The following CENPN variants were observed in gnomAD, a reference collection of about 807,000 sequenced individuals.
CENPN encodes the protein centromere protein N.
A neutral mutation model predicts 48.6 loss-of-function variants in CENPN; 36 were observed. The ratio of observed to expected loss-of-function variants is 0.74; its 90% confidence interval spans 0.57 to 0.98. The LOEUF (loss-of-function observed/expected upper bound fraction) is 0.98, where lower values mean the gene tolerates loss of function less well. Ranked by LOEUF, CENPN falls within the 50% of genes least tolerant of loss-of-function variation. The pLI is 0.00. For synonymous variants in CENPN, 166 were observed against 135.2 expected (o/e 1.23, Z -1.58); for missense variants, 439 against 399.2 (o/e 1.10, Z -0.85).
chr16:81,014,081 G>T, intron 2 of CENPN, 55 bp from the exon 3 acceptor site: 1 of 1,440,704 alleles, frequency 6.9e-7, no homozygotes, highest in South Asian at 1.1e-5. Context: ...TGTTTTAAAC[G>T]GGATAGAACC....
At position 81,012,742 on chromosome 16, in the gene CENPN, C is replaced by T. The variant is rs111238542; in HGVS notation, c.171+632C>T. Among the ~76,000 whole-genome samples, 1,287 of 152,232 alleles carry T rather than the reference C, an allele frequency of 8.5e-3. 15 individuals carry two copies. Among genetic ancestry groups the T allele is most frequent in the African/African-American group, 0.029 (1,216 of 41,530 alleles). On this transcript the variant is annotated intron_variant, in intron 2 of 10. Coordinates refer to ENST00000305850, the MANE Select transcript of CENPN (RefSeq NM_001100624.3). ...TGCTGAGTAGCTGCGACTACAGGCA[C>T]GCACCACCACACTGGCTAATTTTTG...
downstream of CENPN, among the ~76,000 whole-genome samples, chr16:81,031,727 C>G (rs1970787451): frequency 6.6e-6 from 1 of 152,154 alleles, no homozygotes; most frequent in Non-Finnish European, 1.5e-5. Flanking sequence ...TGCCAGCTGT[C>G]CAGTAGCTGG....
In CENPN at chr16:81,008,272, T is replaced by C. The variant is rs534087767; in HGVS notation, c.-11+995T>C. The stretch of plus-strand genomic sequence containing the variant: ...ATCATCTGACGTACTTTTTAAAAGA[T>C]GCTAAATCTCAAGCCCTCCGTGCGC... On this transcript the variant is annotated intron_variant, in intron 1 of 10. Coordinates refer to ENST00000305850, the MANE Select transcript of CENPN (RefSeq NM_001100624.3). 1.5e-3 allele frequency among the ~76,000 whole-genome samples: 227 copies of C among 152,326 alleles called. 1 individual carries two copies. The highest frequency in any genetic ancestry group is 5.3e-3 in the African/African-American group (220 of 41,568).
chr16:81,028,438 C>G, intron 10 of CENPN, 131 bp from the exon 11 acceptor site: 1 of 1,479,592 alleles, frequency 6.8e-7, no homozygotes, highest in Non-Finnish European at 9.2e-7. Flanking sequence ...TCTTCTGCTT[C>G]TGTACTTAAT....
Position 81,026,536 on chromosome 16 carries a change from G to A in CENPN, c.708G>A (p.Arg236=). The change falls in exon 9 of 11, where the codon AGG becomes AGA. Residue 236 remains arginine (R), a synonymous_variant. Transcript: ENST00000305850. ...ATCTTCCACCCATAGTGGATTCAAG[G>A]ATCATTCATGAAAACATAGTAGAAA... ...SLGLDINMDS[R]IIHENIVEKE... is the part of the protein sequence containing the mutation. 6.4e-7 allele frequency: 1 copy of A among 1,568,642 alleles called. No individual in the cohort carries two copies. Among genetic ancestry groups the A allele is most frequent in the Non-Finnish European group, 8.8e-7 (1 of 1,142,656 alleles).
At chr16:81,026,101 G>T (rs1428927656) in intron 8 of CENPN, among the ~76,000 whole-genome samples, 1 of 133,446 alleles carries the variant, frequency 7.5e-6, no homozygotes, top group Non-Finnish European at 1.6e-5. Context: ...ATATATATGT[G>T]TGTGTATATA....
At chr16:81,024,586 G>GCCAA in intron 7 of CENPN, 129 bp from the exon 8 acceptor site, 1 of 491,380 alleles carries the variant, frequency 2.0e-6, no homozygotes, top group Non-Finnish European at 3.4e-6. Flanking sequence ...AACTCAGCCA[G>GCCAA]GATATGGCTT....
chr16:81,028,482 T>C, intron 10 of CENPN, 87 bp from the exon 11 acceptor site: 1 of 1,564,724 alleles, frequency 6.4e-7, no homozygotes, highest in Middle Eastern at 1.7e-4. Context: ...CACCCTCTAA[T>C]CTCAGCCATT....
chr16:81,018,542 A>C (rs1970029053), intron 5 of CENPN, among the ~76,000 whole-genome samples: 1 of 152,212 alleles, frequency 6.6e-6, no homozygotes, highest in Non-Finnish European at 1.5e-5. Context: ...TAGTAGTTCC[A>C]GTAATAGTCA....
intron 6 of CENPN, among the ~76,000 whole-genome samples, chr16:81,021,759 CT>C (rs374473140): frequency 0.041 from 5,869 of 143,624 alleles, 345 homozygotes; most frequent in African/African-American, 0.13. Flanking sequence ...GGCTAATGTT[CT>C]TTTTTTTTTT....
At position 81,022,813 on chromosome 16, in the gene CENPN, C is replaced by A. The variant is rs1360735421; in HGVS notation, c.633+115C>A. 3 of 1,613,550 alleles carry A rather than the reference C, an allele frequency of 1.9e-6. No individual in the cohort carries two copies. In the East Asian group the frequency reaches 6.7e-5, roughly 36 times the overall value. ...CAAGAGGAGATCATTTTAGATATTA[C>A]CGAAATGAAGAAAGCTTGCAATTAG... is the stretch of plus-strand genomic sequence containing the variant. On this transcript the variant is annotated intron_variant, in intron 7 of 10. Transcript: ENST00000305850.
downstream of CENPN, among the ~76,000 whole-genome samples, chr16:81,031,636 A>G (rs1970782208): frequency 6.6e-6 from 1 of 152,088 alleles, no homozygotes; most frequent in Middle Eastern, 3.2e-3. Flanking sequence ...CACCTCTCCC[A>G]TGGCCACGGA....
downstream of CENPN, among the ~76,000 whole-genome samples, chr16:81,032,057 A>G (rs576244979): frequency 1.2e-4 from 19 of 152,234 alleles, no homozygotes; most frequent in African/African-American, 4.6e-4. Flanking sequence ...GGCCTGAGAA[A>G]TACACTTGAG....
chr16:81,025,805 C>A (rs554889495), intron 8 of CENPN, among the ~76,000 whole-genome samples: 15 of 149,832 alleles, frequency 1.0e-4, no homozygotes, highest in Non-Finnish European at 1.5e-4. Flanking sequence ...CAGGTTCAAG[C>A]GATTCTCTTT....
downstream of CENPN, chr16:81,032,520 C>T: frequency 6.6e-7 from 1 of 1,519,898 alleles, no homozygotes; most frequent in Non-Finnish European, 8.9e-7. Flanking sequence ...GTCTTTTCTC[C>T]TATTAATCCG....
intron 1 of CENPN, among the ~76,000 whole-genome samples, chr16:81,008,270 G>A (rs1420611074): frequency 6.6e-6 from 1 of 152,176 alleles, no homozygotes; most frequent in Non-Finnish European, 1.5e-5. Context: ...CTTTTTAAAA[G>A]ATGCTAAATC....
At chr16:81,025,570 A>C (rs1970425350) in intron 8 of CENPN, among the ~76,000 whole-genome samples, 1 of 152,140 alleles carries the variant, frequency 6.6e-6, no homozygotes, top group Non-Finnish European at 1.5e-5. Flanking sequence ...AAAAATACAT[A>C]GGTGAGGCTA....
downstream of CENPN, chr16:81,033,082 A>T (rs1055861436): frequency 1.3e-5 from 2 of 156,606 alleles, no homozygotes; most frequent in Admixed American, 6.4e-5. Flanking sequence ...CTGCCTGCAC[A>T]ATCTGCAACT....
chr16:81,014,118 A>G lies in CENPN; in HGVS notation c.172-18A>G, dbSNP rs370831502. 2.6e-5 allele frequency: 42 copies of G among 1,609,914 alleles called. No individual in the cohort carries two copies. Among genetic ancestry groups the G allele is most frequent in the Non-Finnish European group, 3.3e-5 (39 of 1,176,552 alleles). On this transcript the variant is annotated intron_variant, in intron 2 of 10. Transcript: ENST00000305850. Reference sequence around the variant, plus strand: ...AACCTATAACCACAGTTACTAAATAATTTGTTTTCTCTTTTAGGAAAAGCG... The same window carrying G: ...AACCTATAACCACAGTTACTAAATAGTTTGTTTTCTCTTTTAGGAAAAGCG...
Sources: gnomAD v4.1 joint callset for allele counts (sites outside exome capture counted in the v4.1 genomes callset) on GRCh38, gnomAD v4.1.1 for gene constraint, MANE v1.5 for transcripts, NCBI Gene and HGNC (gene_info 2026-07-23, HGNC 2026-07-21) for gene names.